Variants in TMTC1 observed in about 807,000 individuals in gnomAD.
The protein encoded by TMTC1 is protein O-mannosyl-transferase TMTC1.
A neutral mutation model predicts 104.8 loss-of-function variants in TMTC1; 73 were observed. The ratio of observed to expected loss-of-function variants is 0.70; its 90% CI spans 0.58 to 0.85. TMTC1 has a LOEUF of 0.85. TMTC1 is among the 40% of genes least tolerant of loss of function. The pLI is 0.00. For missense variants in TMTC1, 1,035 were observed against 1,096.1 expected (o/e 0.94, Z 0.79); for synonymous variants, 434 against 428.7 (o/e 1.01, Z -0.15).
In TMTC1 at chr12:29,570,884, C is replaced by CG. The variant is rs1340318084; in HGVS notation, c.1532+1220_1532+1221insC. Among the ~76,000 whole-genome samples, 5 of 140,956 alleles carry CG rather than the reference C, an allele frequency of 3.5e-5. 1 individual carries two copies. Among genetic ancestry groups the CG allele is most frequent in the African/African-American group, 1.4e-4 (5 of 36,220 alleles). The allele number at this position is 140,956 out of a possible 152,430, so 92.5% of individuals were successfully genotyped here. ...ACAAAACAAAAAAAACAGAAACACC[C>CG]CCCCCCCCCGCCAAAACACACACAC... On this transcript the variant is annotated intron_variant, in intron 9 of 17. Transcript: ENST00000539277.
At chr12:29,550,635 C>T (rs1167194524) in intron 10 of TMTC1, among the ~76,000 whole-genome samples, 1 of 152,058 alleles carries the variant, frequency 6.6e-6, no homozygotes, top group Non-Finnish European at 1.5e-5. Context: ...AATTAAAAAG[C>T]CAGTGGCCAG....
chr12:29,579,011 T>C (rs1479222050), intron 8 of TMTC1, among the ~76,000 whole-genome samples: 1 of 152,136 alleles, frequency 6.6e-6, no homozygotes, highest in Non-Finnish European at 1.5e-5. Flanking sequence ...ATAGGTAGTA[T>C]TACGCTGCCT....
intron 5 of TMTC1, among the ~76,000 whole-genome samples, chr12:29,747,942 T>C (rs969217084): frequency 1.8e-4 from 28 of 152,166 alleles, no homozygotes; most frequent in Non-Finnish European, 3.2e-4. Context: ...TCAGAGATCT[T>C]AAGAACTATG....
At chr12:29,570,381 C>T (rs1225468725) in intron 9 of TMTC1, among the ~76,000 whole-genome samples, 1 of 152,136 alleles carries the variant, frequency 6.6e-6, no homozygotes, top group Admixed American at 6.5e-5. Flanking sequence ...AAACTGTCTT[C>T]CAATGAAAGA....
At chr12:29,596,717 G>A (rs528431903) in intron 7 of TMTC1, among the ~76,000 whole-genome samples, 14 of 152,280 alleles carry the variant, frequency 9.2e-5, no homozygotes, top group African/African-American at 2.4e-4. Context: ...AGCCTACGTT[G>A]CTTTTCCTGC....
At chr12:29,737,588 C>A (rs1942714949) in intron 5 of TMTC1, among the ~76,000 whole-genome samples, 1 of 152,162 alleles carries the variant, frequency 6.6e-6, no homozygotes. Flanking sequence ...GAAACAGATT[C>A]CTGCTCCCAG....
chr12:29,678,484 G>A (rs1368177654), intron 5 of TMTC1, among the ~76,000 whole-genome samples: 3 of 152,140 alleles, frequency 2.0e-5, no homozygotes, highest in Non-Finnish European at 4.4e-5. Context: ...CAAGCATGGT[G>A]ACCTCCAGCC....
chr12:29,575,224 G>A (rs1037300902), intron 8 of TMTC1, among the ~76,000 whole-genome samples: 2 of 152,070 alleles, frequency 1.3e-5, no homozygotes, highest in Non-Finnish European at 2.9e-5. Flanking sequence ...TGGATTTGAA[G>A]GCTATTTGGA....
chr12:29,673,985 C>T (rs552068540), intron 5 of TMTC1, among the ~76,000 whole-genome samples: 1 of 151,926 alleles, frequency 6.6e-6, no homozygotes, highest in African/African-American at 2.4e-5. Flanking sequence ...TCTCGAACTC[C>T]CAATCTCAGG....
chr12:29,661,509 C>A (rs1940024897), intron 5 of TMTC1: 1 of 162,818 alleles, frequency 6.1e-6, no homozygotes, highest in Admixed American at 6.6e-5. Flanking sequence ...GCAACCTCCA[C>A]CTCCCAGGTT....
At chr12:29,511,548 CTTTGGAAAAACAAAA>C (rs1943837292) in intron 17 of TMTC1, among the ~76,000 whole-genome samples, 6 of 152,088 alleles carry the variant, frequency 3.9e-5, no homozygotes, top group Admixed American at 3.9e-4. Context: ...AGTGTTTTTC[CTTTGGAAAAACAAAA>C]CAAAGCAAAA....
At chr12:29,569,270 A>G (rs1384182236) in intron 9 of TMTC1, among the ~76,000 whole-genome samples, 1 of 152,230 alleles carries the variant, frequency 6.6e-6, no homozygotes, top group Non-Finnish European at 1.5e-5. Context: ...ATAATTACTA[A>G]CTTATTATAG....
intron 5 of TMTC1, among the ~76,000 whole-genome samples, chr12:29,663,731 G>T (rs1293447393): frequency 6.8e-6 from 1 of 147,114 alleles, no homozygotes; most frequent in Admixed American, 6.8e-5. Context: ...TGGCCAGGCT[G>T]GTCTCAAACT....
chr12:29,629,684 G>C (rs957260686), intron 6 of TMTC1, among the ~76,000 whole-genome samples: 1 of 152,192 alleles, frequency 6.6e-6, no homozygotes, highest in African/African-American at 2.4e-5. Flanking sequence ...AGCTGAGAGT[G>C]ATTACTTAAT....
At chr12:29,725,607 C>T (rs1341389464) in intron 5 of TMTC1, among the ~76,000 whole-genome samples, 2 of 152,144 alleles carry the variant, frequency 1.3e-5, no homozygotes, top group African/African-American at 4.8e-5. Flanking sequence ...TAAAACATGG[C>T]ACCCAGATAA....
At chr12:29,703,659 GAGA>G (rs1941664518) in intron 5 of TMTC1, among the ~76,000 whole-genome samples, 1 of 152,178 alleles carries the variant, frequency 6.6e-6, no homozygotes, top group Admixed American at 6.5e-5. Flanking sequence ...TTATTCCAGT[GAGA>G]AGGACTGCAG....
At chr12:29,582,037 G>C (rs1260362984) in intron 8 of TMTC1, among the ~76,000 whole-genome samples, 1 of 152,072 alleles carries the variant, frequency 6.6e-6, no homozygotes, top group Admixed American at 6.6e-5. Context: ...TACAGTACCC[G>C]CTGAAATGAT....
At chr12:29,711,831 C>T (rs766540672) in intron 5 of TMTC1, among the ~76,000 whole-genome samples, 2 of 151,802 alleles carry the variant, frequency 1.3e-5, no homozygotes, top group East Asian at 1.9e-4. Context: ...CAGTGAAACC[C>T]CGTCTCTACT....
intron 10 of TMTC1, among the ~76,000 whole-genome samples, chr12:29,546,830 T>A (rs1233419909): frequency 2.0e-5 from 3 of 152,146 alleles, no homozygotes; most frequent in Non-Finnish European, 4.4e-5. Flanking sequence ...TTTGAAGCTG[T>A]TGTGTGCTAT....
Sources: allele counts gnomAD v4.1 joint callset (sites outside exome capture counted in the v4.1 genomes callset), GRCh38; gene constraint gnomAD v4.1.1; transcripts MANE v1.5; gene names NCBI Gene and HGNC (gene_info 2026-07-23, HGNC 2026-07-21).